Variants in HEATR5A observed in about 807,000 individuals in gnomAD.
HEATR5A encodes the protein HEAT repeat-containing protein 5A.
In HEATR5A, 178 loss-of-function variants were observed where a neutral mutation model predicts 218.8. The ratio of observed to expected loss-of-function variants is 0.81; its 90% CI spans 0.72 to 0.92. HEATR5A has a LOEUF of 0.92. Ranked by LOEUF, HEATR5A falls within the 40% of genes least tolerant of loss-of-function variation. The probability of loss-of-function intolerance (pLI) is 0.00; values close to 1 mark genes in which losing one functional copy is unlikely to be tolerated. For synonymous variants in HEATR5A, 864 were observed against 871.6 expected, an observed-to-expected ratio of 0.99 and a Z score of 0.15; for missense variants, 2,420 against 2,418.9, an observed-to-expected ratio of 1.00 and a Z score of -0.01.
At chr14:31,332,657 A>G (rs899934292) in intron 22 of HEATR5A, among the ~76,000 whole-genome samples, 9 of 152,286 alleles carry the variant, frequency 5.9e-5, no homozygotes, top group Non-Finnish European at 1.0e-4. Flanking sequence ...TAAGGAAGAT[A>G]AACAACCTTA....
intron 18 of HEATR5A, 26 bp from the exon 19 acceptor site, chr14:31,347,933 C>G: frequency 7.3e-7 from 1 of 1,369,360 alleles, no homozygotes. Flanking sequence ...TAAAAATAAA[C>G]GGTAATCACT....
intron 33 of HEATR5A, among the ~76,000 whole-genome samples, chr14:31,298,931 A>C (rs769509653): frequency 1.3e-5 from 2 of 152,102 alleles, no homozygotes; most frequent in Non-Finnish European, 2.9e-5. Flanking sequence ...GTGCCTCACC[A>C]CTGTGAGCTC....
chr14:31,362,606 C>CAAAAAAAAAAA (rs71115003), intron 14 of HEATR5A, among the ~76,000 whole-genome samples: 43 of 44,742 alleles, frequency 9.6e-4, no homozygotes, highest in African/African-American at 1.2e-3. Flanking sequence ...CTACAAATGA[C>CAAAAAAAAAAA]AAAAAAAAAA....
Position 31,302,502 on chromosome 14 carries a change from G to A in HEATR5A, c.5257C>T (p.Pro1753Ser), listed in dbSNP as rs1460625446. 6.3e-7 allele frequency: 1 copy of A among 1,576,018 alleles called. No individual in the cohort carries two copies. The highest frequency in any genetic ancestry group is 1.7e-4 in the Middle Eastern group (1 of 5,960). Residue 1753 changes from proline to serine, a missense_variant, in exon 33 of 36, where the codon CCT becomes TCT. Transcript: ENST00000543095. Reference sequence around the variant, plus strand: ...CCGATTGTGAGGTACAATATAGTAGGGAGAATTGAGATGCTTCCTGTAAGA... The same window carrying A: ...CCGATTGTGAGGTACAATATAGTAGAGAGAATTGAGATGCTTCCTGTAAGA... ...CSPEGSISILPTILYLTIGVL... is the reference protein window; with the variant it reads ...CSPEGSISILSTILYLTIGVL...
intron 33 of HEATR5A, among the ~76,000 whole-genome samples, chr14:31,298,763 C>T (rs1476602259): frequency 2.0e-5 from 3 of 152,070 alleles, no homozygotes; most frequent in African/African-American, 7.2e-5. Context: ...ACCCCATGTC[C>T]ACCTCCTTTT....
intron 21 of HEATR5A, 76 bp from the exon 22 acceptor site, chr14:31,337,690 G>T: frequency 7.9e-7 from 1 of 1,263,082 alleles, no homozygotes; most frequent in Non-Finnish European, 1.1e-6. Flanking sequence ...ATATTCACTG[G>T]ACCCCTTCCT....
At chr14:31,403,849 T>C (rs1473936476) in intron 1 of HEATR5A, among the ~76,000 whole-genome samples, 1 of 152,224 alleles carries the variant, frequency 6.6e-6, no homozygotes, top group Non-Finnish European at 1.5e-5. Flanking sequence ...TATAAGTGTA[T>C]GTATATACAT....
chr14:31,320,576 C>A (rs1595093687), intron 25 of HEATR5A: 5 of 811,492 alleles, frequency 6.2e-6, no homozygotes, highest in East Asian at 2.6e-5. Flanking sequence ...CCTGATTAGA[C>A]CCCTGGTACA....
rs1466604812 is a variant in HEATR5A, at chr14:31,386,344, C to G, written c.1345+76G>C. On this transcript the variant is annotated intron_variant, in intron 9 of 35. Coordinates refer to ENST00000543095, the MANE Select transcript of HEATR5A (RefSeq NM_015473.4). ...ATCTATAATGGAATCTATAAGTAAG[C>G]TATATGAAGATTTCCTTCCTTGGAA... The G allele has an allele frequency of 8.7e-6, 9 of 1,035,316 alleles. 1 individual carries two copies. The South Asian group carries it at 1.1e-4, about 13-fold the overall frequency. 64.1% of individuals were successfully genotyped at this position (1,035,316 alleles called of 1,614,324 possible).
At chr14:31,387,704 G>T (rs555115501) in intron 7 of HEATR5A, among the ~76,000 whole-genome samples, 15 of 151,924 alleles carry the variant, frequency 9.9e-5, no homozygotes, top group Non-Finnish European at 2.1e-4. Context: ...GGACTACAGG[G>T]GCCCGCCACC....
At chr14:31,388,279 T>C (rs2030312656) in intron 7 of HEATR5A, among the ~76,000 whole-genome samples, 1 of 152,156 alleles carries the variant, frequency 6.6e-6, no homozygotes, top group Non-Finnish European at 1.5e-5. Flanking sequence ...AAATACAAGT[T>C]TGCTTTGAAT....
intron 12 of HEATR5A, among the ~76,000 whole-genome samples, chr14:31,373,328 C>CT (rs762521678): frequency 2.6e-3 from 369 of 141,758 alleles, no homozygotes; most frequent in Middle Eastern, 7.5e-3. Flanking sequence ...TGAAACATTA[C>CT]TTTTTTTTTT....
intron 4 of HEATR5A, among the ~76,000 whole-genome samples, chr14:31,396,669 G>A (rs560079669): frequency 6.6e-6 from 1 of 152,200 alleles, no homozygotes; most frequent in Non-Finnish European, 1.5e-5. Context: ...TAATGCTAAC[G>A]AGCAACTTCA....
intron 1 of HEATR5A, among the ~76,000 whole-genome samples, chr14:31,416,868 G>A (rs1188549566): frequency 2.6e-5 from 4 of 152,068 alleles, no homozygotes; most frequent in Admixed American, 2.0e-4. Flanking sequence ...CTGGGAGGCC[G>A]AGATGAGGGG....
At chr14:31,412,413 T>G (rs1354236331) in intron 1 of HEATR5A, among the ~76,000 whole-genome samples, 1 of 150,074 alleles carries the variant, frequency 6.7e-6, no homozygotes, top group Non-Finnish European at 1.5e-5. Context: ...GCCAACATGG[T>G]GAAACCCCAT....
intron 28 of HEATR5A, 103 bp downstream of exon 28, chr14:31,312,865 T>C: frequency 1.0e-6 from 1 of 994,174 alleles, no homozygotes; most frequent in African/African-American, 1.6e-5. Context: ...ACCATGGCAC[T>C]CCAGCCTGGG....
chr14:31,312,609 C>T (rs1348667797), intron 28 of HEATR5A, among the ~76,000 whole-genome samples: 1 of 152,168 alleles, frequency 6.6e-6, no homozygotes, highest in African/African-American at 2.4e-5. Context: ...AATGGGGTTT[C>T]ACCATGTTGG....
intron 11 of HEATR5A, among the ~76,000 whole-genome samples, 197 bp from the exon 12 acceptor site, chr14:31,375,165 C>T (rs969742088): frequency 6.6e-6 from 1 of 152,110 alleles, no homozygotes; most frequent in Non-Finnish European, 1.5e-5. Context: ...AGAGGAAAAA[C>T]AAAGAACTAA....
At chr14:31,354,095 G>A (rs1410737664) in intron 16 of HEATR5A, among the ~76,000 whole-genome samples, 1 of 151,044 alleles carries the variant, frequency 6.6e-6, no homozygotes, top group African/African-American at 2.5e-5. Context: ...CACTGCGCCT[G>A]GCCGGCATTT....
Sources: allele counts gnomAD v4.1 joint callset (sites outside exome capture counted in the v4.1 genomes callset), GRCh38; gene constraint gnomAD v4.1.1; transcripts MANE v1.5; gene names NCBI Gene and HGNC (gene_info 2026-07-23, HGNC 2026-07-21).